Variants in FBXL17 observed in about 807,000 individuals in gnomAD.
The protein encoded by FBXL17 is F-box/LRR-repeat protein 17.
FBXL17 carries 22 observed loss-of-function variants against 66.2 expected under a neutral mutation model. The observed-to-expected ratio is 0.33, with a 90% confidence interval of 0.24 to 0.47. FBXL17 has a LOEUF of 0.47. Ranked by LOEUF, FBXL17 falls within the 20% of genes least tolerant of loss-of-function variation. The probability of loss-of-function intolerance (pLI) is 1.00; values close to 1 mark genes in which losing one functional copy is unlikely to be tolerated. For missense variants in FBXL17, 878 were observed against 948.2 expected (o/e 0.93, Z 0.97); for synonymous variants, 474 against 400.5 (o/e 1.18, Z -2.19).
chr5:107,990,118 C>A (rs542221834), intron 7 of FBXL17, among the ~76,000 whole-genome samples: 80 of 152,268 alleles, frequency 5.3e-4, no homozygotes, highest in African/African-American at 1.8e-3. Flanking sequence ...GTGGTTGTTG[C>A]TTTCTTCTGG....
intron 6 of FBXL17, among the ~76,000 whole-genome samples, chr5:108,168,950 C>T (rs1053886511): frequency 1.3e-5 from 2 of 152,140 alleles, no homozygotes; most frequent in Non-Finnish European, 2.9e-5. Context: ...TATGTGCATC[C>T]CATAAACAAC....
chr5:108,093,267 AT>A (rs1749252676), intron 6 of FBXL17, among the ~76,000 whole-genome samples: 1 of 151,756 alleles, frequency 6.6e-6, no homozygotes, highest in African/African-American at 2.4e-5. Context: ...CCCACTAAAA[AT>A]TTTAATCTAC....
chr5:108,104,775 A>G (rs780105825), intron 6 of FBXL17, among the ~76,000 whole-genome samples: 2 of 152,212 alleles, frequency 1.3e-5, no homozygotes, highest in African/African-American at 2.4e-5. Flanking sequence ...TTGGATATGT[A>G]TTTTAAAAGA....
At chr5:108,234,956 T>C (rs775147101) in intron 4 of FBXL17, among the ~76,000 whole-genome samples, 6 of 152,172 alleles carry the variant, frequency 3.9e-5, no homozygotes, top group African/African-American at 7.2e-5. Context: ...GTAGTCTTAT[T>C]TTAAGACTTG....
intron 1 of FBXL17, among the ~76,000 whole-genome samples, chr5:108,370,175 C>T (rs948806328): frequency 1.3e-5 from 2 of 152,198 alleles, no homozygotes; most frequent in Non-Finnish European, 2.9e-5. Flanking sequence ...TCTACATAGA[C>T]AGTGGGCCCA....
intron 5 of FBXL17, among the ~76,000 whole-genome samples, chr5:108,196,694 T>G (rs1753693363): frequency 6.6e-6 from 1 of 152,210 alleles, no homozygotes; most frequent in Non-Finnish European, 1.5e-5. Context: ...TCCATTCTCT[T>G]AACTCCATCA....
intron 6 of FBXL17, among the ~76,000 whole-genome samples, chr5:108,022,682 T>C (rs1192819828): frequency 6.6e-6 from 1 of 152,106 alleles, no homozygotes; most frequent in East Asian, 1.9e-4. Flanking sequence ...ACAAGTGCAA[T>C]ATCCTATTTA....
intron 6 of FBXL17, among the ~76,000 whole-genome samples, chr5:108,181,793 A>T (rs1285937930): frequency 6.6e-6 from 1 of 152,150 alleles, no homozygotes; most frequent in African/African-American, 2.4e-5. Flanking sequence ...TAGTTAAAAA[A>T]TTAAGAATTT....
chr5:108,377,027 CAT>C (rs1215867273), intron 1 of FBXL17, among the ~76,000 whole-genome samples: 1 of 152,276 alleles, frequency 6.6e-6, no homozygotes, highest in South Asian at 2.1e-4. Context: ...TTTTAATTCA[CAT>C]ATATATGTTT....
intron 6 of FBXL17, among the ~76,000 whole-genome samples, chr5:108,028,255 G>T (rs2112779395): frequency 6.6e-6 from 1 of 152,190 alleles, no homozygotes; most frequent in Non-Finnish European, 1.5e-5. Flanking sequence ...GTGAAAACTA[G>T]AAACATTGTA....
At chr5:107,959,473 C>T (rs927938396) in intron 7 of FBXL17, among the ~76,000 whole-genome samples, 3 of 151,420 alleles carry the variant, frequency 2.0e-5, no homozygotes, top group African/African-American at 4.9e-5. Flanking sequence ...TTGTGTTGTG[C>T]CCCACCTGCC....
chr5:108,302,773 T>C (rs1007630361), intron 4 of FBXL17, among the ~76,000 whole-genome samples: 1 of 151,890 alleles, frequency 6.6e-6, no homozygotes, highest in East Asian at 1.9e-4. Flanking sequence ...AATTTACATA[T>C]AGATACGCCT....
chr5:108,260,033 A>C (rs1192061906), intron 4 of FBXL17, among the ~76,000 whole-genome samples: 6 of 149,054 alleles, frequency 4.0e-5, no homozygotes, highest in Non-Finnish European at 4.4e-5. Flanking sequence ...AAAAAAAAAA[A>C]CAAAAAAAAA....
chr5:108,158,827 T>C (rs890354086), intron 6 of FBXL17, among the ~76,000 whole-genome samples: 3 of 152,128 alleles, frequency 2.0e-5, no homozygotes, highest in African/African-American at 7.2e-5. Context: ...AACCATGAAA[T>C]ATTCAGATTA....
chr5:108,211,884 G>C (rs1460204158), intron 5 of FBXL17, among the ~76,000 whole-genome samples: 1 of 152,136 alleles, frequency 6.6e-6, no homozygotes, highest in South Asian at 2.1e-4. Context: ...GTCTTGCTAG[G>C]TTGGGGAAGT....
At chr5:108,325,818 A>C (rs1166283464) in intron 4 of FBXL17, among the ~76,000 whole-genome samples, 1 of 152,188 alleles carries the variant, frequency 6.6e-6, no homozygotes, top group Non-Finnish European at 1.5e-5. Flanking sequence ...AATCAACCTA[A>C]GGAAACAAGA....
chr5:107,947,835 G>C (rs545908120), intron 7 of FBXL17, among the ~76,000 whole-genome samples: 1 of 152,152 alleles, frequency 6.6e-6, no homozygotes, highest in East Asian at 1.9e-4. Context: ...CAGAGCTAAA[G>C]TTCTATGAAT....
At chr5:107,874,010 T>C (rs1483735941) in intron 8 of FBXL17, among the ~76,000 whole-genome samples, 1 of 152,182 alleles carries the variant, frequency 6.6e-6, no homozygotes, top group East Asian at 1.9e-4. Context: ...TACACAGATG[T>C]TGATTTTCCT....
intron 7 of FBXL17, among the ~76,000 whole-genome samples, chr5:108,003,257 T>C (rs1753803429): frequency 7.9e-5 from 12 of 152,172 alleles, no homozygotes; most frequent in Admixed American, 7.9e-4. Context: ...TACCCTTTTT[T>C]CTGCTCTTAG....
Sources: gnomAD v4.1 joint callset for allele counts (sites outside exome capture counted in the v4.1 genomes callset) on GRCh38, gnomAD v4.1.1 for gene constraint, MANE v1.5 for transcripts, NCBI Gene and HGNC (gene_info 2026-07-23, HGNC 2026-07-21) for gene names.